IL1RAPL1: variants seen among roughly 807,000 people sequenced by gnomAD.
The protein encoded by IL1RAPL1 is interleukin 1 receptor accessory protein like 1, also known as interleukin-1 receptor accessory protein-like 1.
In IL1RAPL1, 3 loss-of-function variants were observed where a neutral mutation model predicts 48.4. The ratio of observed to expected loss-of-function variants is 0.06; its 90% CI spans 0.03 to 0.16. IL1RAPL1 has a LOEUF of 0.16. Among genes scored for constraint, IL1RAPL1 ranks in the 10% least tolerant of loss-of-function variants. The pLI, the probability that IL1RAPL1 is intolerant of heterozygous loss-of-function variation, is 1.00. For synonymous variants in IL1RAPL1, 185 were observed against 187.7 expected, an observed-to-expected ratio of 0.99 and a Z score of 0.12; for missense variants, 349 against 530.6, an observed-to-expected ratio of 0.66 and a Z score of 3.36.
chrX:28,981,942 C>T (rs1925352999), intron 2 of IL1RAPL1, among the ~76,000 whole-genome samples: 1 of 111,885 alleles, frequency 8.9e-6, no homozygotes, highest in Non-Finnish European at 1.9e-5. Context: ...TTTGGGTTTG[C>T]ATCTACCTCC....
At chrX:28,727,166 G>A (rs887513453) in intron 1 of IL1RAPL1, among the ~76,000 whole-genome samples, 2 of 111,071 alleles carry the variant, frequency 1.8e-5, no homozygotes, top group African/African-American at 3.3e-5. Context: ...CTACCCAGGA[G>A]CATGGAATGT....
At chrX:29,392,038 G>A (rs1933860666) in intron 3 of IL1RAPL1, among the ~76,000 whole-genome samples, 2 of 111,880 alleles carry the variant, frequency 1.8e-5, no homozygotes, top group Admixed American at 1.9e-4. Context: ...GAGACAACTA[G>A]ATTTTTTTTT....
chrX:29,835,234 T>TAA (rs200518768), intron 6 of IL1RAPL1, among the ~76,000 whole-genome samples: 1 of 110,466 alleles, frequency 9.1e-6, no homozygotes, highest in African/African-American at 3.3e-5. Flanking sequence ...TCTCTTACTT[T>TAA]AAAAAAAAAC....
intron 5 of IL1RAPL1, among the ~76,000 whole-genome samples, chrX:29,417,865 T>G (rs1266427415): frequency 9.2e-6 from 1 of 109,239 alleles, no homozygotes; most frequent in Non-Finnish European, 1.9e-5. Flanking sequence ...ATTTGCTTTA[T>G]TCACCAAATC....
At chrX:29,246,493 G>T (rs1931516557) in intron 2 of IL1RAPL1, among the ~76,000 whole-genome samples, 1 of 110,715 alleles carries the variant, frequency 9.0e-6, no homozygotes, top group Non-Finnish European at 1.9e-5. Context: ...AGCCAGTATG[G>T]CTGCTTTGAA....
intron 9 of IL1RAPL1, among the ~76,000 whole-genome samples, chrX:29,942,540 TAAAC>T (rs1030049314): frequency 1.8e-5 from 2 of 110,657 alleles, no homozygotes; most frequent in Admixed American, 1.9e-4. Context: ...AAAAGGAAAA[TAAAC>T]TAAGATAAAC....
At chrX:28,812,517 A>T (rs1037641094) in intron 2 of IL1RAPL1, among the ~76,000 whole-genome samples, 2 of 110,945 alleles carry the variant, frequency 1.8e-5, no homozygotes, top group Non-Finnish European at 3.8e-5. Flanking sequence ...GTTAAAATGT[A>T]CATCTCTCTG....
chrX:28,995,202 G>T (rs956522846), intron 2 of IL1RAPL1, among the ~76,000 whole-genome samples: 1 of 111,415 alleles, frequency 9.0e-6, no homozygotes, highest in Non-Finnish European at 1.9e-5. Context: ...TTGAAAATGA[G>T]AACAAGGCTA....
intron 5 of IL1RAPL1, among the ~76,000 whole-genome samples, chrX:29,562,464 T>G (rs775245825): frequency 9.0e-6 from 1 of 111,074 alleles, no homozygotes; most frequent in East Asian, 2.8e-4. Flanking sequence ...GCAGAGAGTG[T>G]TAAGCTTGAA....
At chrX:28,676,908 T>C (rs1416108541) in intron 1 of IL1RAPL1, among the ~76,000 whole-genome samples, 1 of 111,533 alleles carries the variant, frequency 9.0e-6, no homozygotes, top group Non-Finnish European at 1.9e-5. Flanking sequence ...ATTGTACCAA[T>C]TATATAACTC....
chrX:29,451,219 A>C (rs1190880045), intron 5 of IL1RAPL1, among the ~76,000 whole-genome samples: 1 of 101,779 alleles, frequency 9.8e-6, no homozygotes, highest in Non-Finnish European at 2.0e-5. Flanking sequence ...AAGGAGTCTT[A>C]CTCTGTTGCC....
intron 3 of IL1RAPL1, among the ~76,000 whole-genome samples, chrX:29,310,227 C>T (rs1233963991): frequency 9.5e-6 from 1 of 105,610 alleles, no homozygotes; most frequent in African/African-American, 3.5e-5. Context: ...CTTTGTCATC[C>T]TTGTAATTCC....
intron 2 of IL1RAPL1, among the ~76,000 whole-genome samples, chrX:28,916,114 C>G (rs2147334778): frequency 9.0e-6 from 1 of 110,765 alleles, no homozygotes; most frequent in African/African-American, 3.3e-5. Flanking sequence ...TTCTTCCCTA[C>G]TAACATTCAC....
intron 3 of IL1RAPL1, among the ~76,000 whole-genome samples, chrX:29,331,375 A>G (rs968162515): frequency 1.8e-5 from 2 of 110,334 alleles, no homozygotes; most frequent in African/African-American, 6.6e-5. Flanking sequence ...ACATCACCCA[A>G]CTGCAAAGAA....
intron 2 of IL1RAPL1, among the ~76,000 whole-genome samples, chrX:29,240,224 ATTTTTTT>A (rs55639151): frequency 3.7e-4 from 5 of 13,339 alleles, no homozygotes; most frequent in African/African-American, 1.6e-3. Context: ...ATATATATAT[ATTTTTTT>A]TTTTTTTTTT....
chrX:29,537,564 A>G (rs907266411), intron 5 of IL1RAPL1, among the ~76,000 whole-genome samples: 2 of 109,432 alleles, frequency 1.8e-5, no homozygotes, highest in Admixed American at 2.0e-4. Context: ...AATGCAAACA[A>G]TTAAGATCAA....
chrX:28,849,710 T>C (rs1279349603), intron 2 of IL1RAPL1, among the ~76,000 whole-genome samples: 2 of 111,936 alleles, frequency 1.8e-5, no homozygotes, highest in Non-Finnish European at 3.8e-5. Context: ...AATGGAACTC[T>C]CGTCTTATAC....
At chrX:28,814,348 T>TGC (rs1936832533) in intron 2 of IL1RAPL1, among the ~76,000 whole-genome samples, 1 of 102,193 alleles carries the variant, frequency 9.8e-6, no homozygotes, top group Non-Finnish European at 2.0e-5. Flanking sequence ...GGTTTGTGTG[T>TGC]GTGTGTGTGT....
At chrX:28,720,109 TA>T (rs765129656) in intron 1 of IL1RAPL1, among the ~76,000 whole-genome samples, 6 of 111,428 alleles carry the variant, frequency 5.4e-5, no homozygotes, top group African/African-American at 1.3e-4. Flanking sequence ...TCATTTGTAA[TA>T]AAAAAAGTCC....
Sources: gnomAD v4.1 joint callset for allele counts (sites outside exome capture counted in the v4.1 genomes callset) on GRCh38, gnomAD v4.1.1 for gene constraint, MANE v1.5 for transcripts, NCBI Gene and HGNC (gene_info 2026-07-23, HGNC 2026-07-21) for gene names.